Variants in VAPB observed in about 807,000 individuals in gnomAD.
VAPB encodes the protein VAMP associated protein B and C.
In VAPB, 7 loss-of-function variants were observed where a neutral mutation model predicts 25.6. The ratio of observed to expected loss-of-function variants is 0.27; its 90% confidence interval spans 0.16 to 0.51. VAPB has a LOEUF of 0.51. VAPB is among the 20% of genes least tolerant of loss of function. The probability of loss-of-function intolerance (pLI) is 0.97; values close to 1 mark genes in which losing one functional copy is unlikely to be tolerated. For missense variants in VAPB, 266 were observed against 301.3 expected (o/e 0.88, Z 0.87); for synonymous variants, 112 against 109.2 (o/e 1.03, Z -0.16).
chr20:58,425,039 T>G (rs1400732047), intron 2 of VAPB, among the ~76,000 whole-genome samples: 1 of 152,268 alleles, frequency 6.6e-6, no homozygotes, highest in African/African-American at 2.4e-5. Flanking sequence ...AATGTCCAGC[T>G]TCTTTGCTTT....
At chr20:58,437,898 G>A (rs1350702460) in intron 3 of VAPB, among the ~76,000 whole-genome samples, 1 of 152,236 alleles carries the variant, frequency 6.6e-6, no homozygotes, top group East Asian at 1.9e-4. Context: ...GCTGCCTCTT[G>A]CATGGTTTTG....
Position 58,446,400 on chromosome 20 carries a change from G to A in VAPB, c.*2165G>A. On this transcript the variant is annotated 3_prime_UTR_variant, in exon 6 of 6. Coordinates refer to ENST00000475243, the MANE Select transcript of VAPB (RefSeq NM_004738.5). The stretch of plus-strand genomic sequence containing the variant: ...TAGGTGGTCCCCAACAGTGCCTAGG[G>A]GTACAGTACAGTCCCATTACACTAG... The A allele has an allele frequency of 2.2e-6, 1 of 453,976 alleles. No individual in the cohort carries two copies. Among genetic ancestry groups the A allele is most frequent in the Non-Finnish European group, 4.4e-6 (1 of 226,774 alleles). 28.1% of individuals were successfully genotyped at this position (453,976 alleles called of 1,614,324 possible).
At chr20:58,404,988 TGGA>T (rs1988189793) in intron 1 of VAPB, among the ~76,000 whole-genome samples, 1 of 151,900 alleles carries the variant, frequency 6.6e-6, no homozygotes, top group African/African-American at 2.4e-5. Flanking sequence ...CATCTTCTAG[TGGA>T]GAAGGTGTAC....
chr20:58,402,171 G>A (rs968385070), intron 1 of VAPB, among the ~76,000 whole-genome samples: 15 of 152,204 alleles, frequency 9.9e-5, no homozygotes, highest in Admixed American at 2.0e-4. Flanking sequence ...GAAAATTATC[G>A]ATACTTGTTG....
rs1393208275 is a variant in VAPB at position 58,448,701 on chromosome 20, C to A, written c.*4466C>A. 2.2e-6 allele frequency: 1 copy of A among 453,620 alleles called. No homozygotes were observed. Among genetic ancestry groups the A allele is most frequent in the Admixed American group, 2.4e-5 (1 of 42,486 alleles). The allele number at this position is 453,620 out of a possible 1,614,324, so 28.1% of individuals were successfully genotyped here. A position where few individuals can be genotyped will look rare whatever the true frequency, so the allele number is the denominator to read the frequency against. On this transcript the variant is annotated 3_prime_UTR_variant, in exon 6 of 6. Transcript: ENST00000475243. ...CCTCCGTACCTTATTCAGTTATTTT[C>A]ACACTAAAGTAAGTAGAATTAAGAC...
At position 58,413,025 on chromosome 20, in the gene VAPB, A is replaced by G. The variant is rs143461854; in HGVS notation, c.59-5186A>G. Among the ~76,000 whole-genome samples, 183 of 152,236 alleles carry G rather than the reference A, an allele frequency of 1.2e-3. 1 individual carries two copies. The highest frequency in any genetic ancestry group is 2.2e-3 in the Non-Finnish European group (147 of 68,022). The stretch of plus-strand genomic sequence containing the variant: ...GGATTGTGACGGTCTTTGACCTTCA[A>G]ACCAGAACTTTATACATCTTAAGGC... On this transcript the variant is annotated intron_variant, in intron 1 of 5. Coordinates refer to ENST00000475243, the MANE Select transcript of VAPB (RefSeq NM_004738.5).
At chr20:58,430,841 G>A (rs908599555) in intron 2 of VAPB, among the ~76,000 whole-genome samples, 1 of 152,208 alleles carries the variant, frequency 6.6e-6, no homozygotes, top group Admixed American at 6.5e-5. Flanking sequence ...CTCCCAAAGT[G>A]CTGGGATTAC....
intron 1 of VAPB, among the ~76,000 whole-genome samples, chr20:58,399,835 T>C (rs901514790): frequency 6.6e-6 from 1 of 152,190 alleles, no homozygotes; most frequent in African/African-American, 2.4e-5. Flanking sequence ...TCTGTGCTAA[T>C]ACTATCAACT....
In VAPB at chr20:58,438,938, G is replaced by T; in HGVS notation, c.316-7G>T. The T allele has an allele frequency of 1.9e-6, 3 of 1,611,510 alleles. No homozygotes were observed. Among genetic ancestry groups the T allele is most frequent in the Non-Finnish European group, 2.5e-6 (3 of 1,177,924 alleles). On this transcript the variant is annotated splice_polypyrimidine_tract_variant and splice_region_variant and intron_variant, in intron 3 of 5. Transcript: ENST00000475243. Reference sequence around the variant, plus strand: ...ATATCTTGATTATTAAATTTAAATTGTTTTAGTGGAAGGAGGCAAAACCGG... The same window carrying T: ...ATATCTTGATTATTAAATTTAAATTTTTTTAGTGGAAGGAGGCAAAACCGG...
rs1295445556 is a variant in VAPB, at chr20:58,434,700, G to A, written c.310G>A (p.Ala104Thr). 4 of 1,482,992 alleles carry A rather than the reference G, an allele frequency of 2.7e-6. No homozygotes were observed. The highest frequency in any genetic ancestry group is 3.8e-6 in the Non-Finnish European group (4 of 1,061,392). The allele number at this position is 1,482,992 out of a possible 1,614,324, so 91.9% of individuals were successfully genotyped here. The change falls in exon 3 of 6, where the codon GCA becomes ACA. Residue 104 changes from alanine (A) to threonine (T), a missense_variant. This residue lies in a region of VAPB where 98 missense variants were observed against 147.1 expected (regional missense o/e 0.67). Transcript: ENST00000475243. ...TCCAACTGACACTTCAGATATGGAA[G>A]CAGTAGTAAGTACTGAATGCTTCTT... Reference protein sequence around the residue: ...FAPTDTSDMEAVWKEAKPEDL... With the variant: ...FAPTDTSDMETVWKEAKPEDL...
Position 58,449,548 on chromosome 20 carries a change from C to G in VAPB, c.*5313C>G, listed in dbSNP as rs1989384469. 2.2e-6 allele frequency: 1 copy of G among 453,990 alleles called. No individual in the cohort carries two copies. The highest frequency in any genetic ancestry group is 4.4e-6 in the Non-Finnish European group (1 of 226,776). The allele number at this position is 453,990 out of a possible 1,614,324, so 28.1% of individuals were successfully genotyped here. On this transcript the variant is annotated 3_prime_UTR_variant, in exon 6 of 6. Coordinates refer to ENST00000475243, the MANE Select transcript of VAPB (RefSeq NM_004738.5). ...AAAATGTAGCCATTATCTAACTTGC[C>G]ATAAATATTTGCAGTTATGATACCT...
At chr20:58,414,197 T>G (rs62205700) in intron 1 of VAPB, among the ~76,000 whole-genome samples, 51 of 73,754 alleles carry the variant, frequency 6.9e-4, no homozygotes, top group East Asian at 2.0e-3. Context: ...CCTCCCTCCC[T>G]GACGGGGCGG....
rs934456113 is a variant in VAPB at position 58,445,718 on chromosome 20, G to A, written c.*1483G>A. The A allele has an allele frequency of 9.3e-6, 4 of 430,644 alleles. No homozygotes were observed. The highest frequency in any genetic ancestry group is 2.4e-5 in the Admixed American group (1 of 40,872). 26.7% of individuals were successfully genotyped at this position (430,644 alleles called of 1,614,324 possible). ...TGTGTGTGTGTGTGTGTGTGTGTGTGTGTATTTTTTTTTTGGTTGTCTTCA... is the reference window on the plus strand; with the variant it reads ...TGTGTGTGTGTGTGTGTGTGTGTGTATGTATTTTTTTTTTGGTTGTCTTCA... On this transcript the variant is annotated 3_prime_UTR_variant, in exon 6 of 6. Transcript: ENST00000475243.
chr20:58,447,262 AC>A lies in VAPB; in HGVS notation c.*3029del. The stretch of plus-strand genomic sequence containing the variant: ...AAGCTTCCTTGGCACGATACAAAAT[AC>A]CTCTTAAAGACAGCAGGCTTTTTTA... On this transcript the variant is annotated 3_prime_UTR_variant, in exon 6 of 6. Transcript: ENST00000475243. 1 of 454,048 alleles carries A rather than the reference AC, an allele frequency of 2.2e-6. No homozygotes were observed. 28.1% of individuals were successfully genotyped at this position (454,048 alleles called of 1,614,324 possible). A position where few individuals can be genotyped will look rare whatever the true frequency, so the allele number is the denominator to read the frequency against.
intron 2 of VAPB, among the ~76,000 whole-genome samples, chr20:58,425,475 T>C (rs1230867174): frequency 2.0e-5 from 3 of 152,210 alleles, no homozygotes; most frequent in Non-Finnish European, 4.4e-5. Context: ...AAAATGCAAA[T>C]TAGCACCCAG....
At chr20:58,411,357 C>T (rs909635147) in intron 1 of VAPB, among the ~76,000 whole-genome samples, 2 of 152,204 alleles carry the variant, frequency 1.3e-5, no homozygotes, top group African/African-American at 4.8e-5. Flanking sequence ...TCTTGGCTCA[C>T]TGCAACCTCT....
intron 1 of VAPB, among the ~76,000 whole-genome samples, chr20:58,391,102 AGTTTCC>A (rs1322981368): frequency 6.6e-6 from 1 of 152,180 alleles, no homozygotes; most frequent in African/African-American, 2.4e-5. Context: ...AGTGAGCCTT[AGTTTCC>A]ACTTGAGTTG....
At chr20:58,434,728 T>G (rs1341834015) in intron 3 of VAPB, 23 bp downstream of exon 3, 1 of 1,168,638 alleles carries the variant, frequency 8.6e-7, no homozygotes, top group Admixed American at 1.7e-5. Context: ...TGCTTCTTAT[T>G]TTTTTCAGTA....
At chr20:58,413,061 TA>T (rs1988419679) in intron 1 of VAPB, among the ~76,000 whole-genome samples, 1 of 152,064 alleles carries the variant, frequency 6.6e-6, no homozygotes, top group Admixed American at 6.5e-5. Flanking sequence ...CCAATTTTTG[TA>T]ATTAAGAGTA....
Sources: allele counts gnomAD v4.1 joint callset (sites outside exome capture counted in the v4.1 genomes callset), GRCh38; gene constraint gnomAD v4.1.1; regional missense constraint gnomAD v4.1.1; transcripts MANE v1.5; gene names NCBI Gene and HGNC (gene_info 2026-07-23, HGNC 2026-07-21).